The following RBPJL variants were observed in gnomAD, a reference collection of about 807,000 sequenced individuals.
RBPJL encodes recombination signal binding protein for immunoglobulin kappa J region like, also known as recombining binding protein suppressor of hairless-like protein.
Under a neutral mutation model 57.6 loss-of-function variants are expected in RBPJL, and 50 were observed. The ratio of observed to expected loss-of-function variants is 0.87; its 90% confidence interval spans 0.69 to 1.10. The LOEUF is 1.10. Among genes scored for constraint, RBPJL ranks in the 50% least tolerant of loss-of-function variants. The pLI, the probability that RBPJL is intolerant of heterozygous loss-of-function variation, is 0.00. For synonymous variants in RBPJL, 303 were observed against 294.4 expected, an observed-to-expected ratio of 1.03 and a Z score of -0.30; for missense variants, 684 against 693.7, an observed-to-expected ratio of 0.99 and a Z score of 0.16.
At chr20:45,309,539 C>G in intron 2 of RBPJL, 28 bp from the exon 3 acceptor site, 2 of 1,590,616 alleles carry the variant, frequency 1.3e-6, no homozygotes, top group Non-Finnish European at 1.7e-6. Flanking sequence ...CCTCCTGTGG[C>G]TGGTCGACCT....
Position 45,311,881 on chromosome 20 carries a change from TG to T in RBPJL, c.374del (p.Gly125AspfsTer15). On this transcript the variant is annotated frameshift_variant, in exon 5 of 12. Coordinates refer to ENST00000343694, the MANE Select transcript of RBPJL (RefSeq NM_014276.4). LOFTEE classifies it high-confidence loss of function. ...GETGPTVCGY[M>X]GLDSASGSAT... ...ACGGGGCCCACGGTCTGCGGTTACA[TG>T]GGACTGGACAGCGCGTCCGGCAGCG... 1 of 1,551,722 alleles carries T rather than the reference TG, an allele frequency of 6.4e-7. No individual in the cohort carries two copies. The highest frequency in any genetic ancestry group is 8.7e-7 in the Non-Finnish European group (1 of 1,147,068).
rs1451730227 is a variant in RBPJL, at chr20:45,313,461, C to T, written c.620-7C>T. ...CCTCACCCTAACCCTGACCCTCACC[C>T]TCACAGTGTGCATATCCTCCGGCTC... is the stretch of plus-strand genomic sequence containing the variant. On this transcript the variant is annotated splice_polypyrimidine_tract_variant and splice_region_variant and intron_variant, in intron 6 of 11. Coordinates refer to ENST00000343694, the MANE Select transcript of RBPJL (RefSeq NM_014276.4). The T allele has an allele frequency of 1.9e-6, 3 of 1,608,744 alleles. No individual in the cohort carries two copies. Among genetic ancestry groups the T allele is most frequent in the Admixed American group, 1.7e-5 (1 of 59,600 alleles).
intron 10 of RBPJL, 41 bp from the exon 11 acceptor site, chr20:45,316,436 T>C: frequency 6.4e-7 from 1 of 1,561,440 alleles, no homozygotes; most frequent in Non-Finnish European, 8.7e-7. Context: ...GTTCCCGCCC[T>C]ACTTGGTTCT....
intron 7 of RBPJL, 32 bp downstream of exon 7, chr20:45,313,637 A>C: frequency 6.4e-7 from 1 of 1,560,918 alleles, no homozygotes; most frequent in Non-Finnish European, 8.7e-7. Context: ...GGAGCTGGGC[A>C]CTTCACATGC....
chr20:45,316,744 C>T lies in RBPJL; in HGVS notation c.1339C>T (p.Arg447Cys), dbSNP rs1393715236. Residue 447 changes from arginine (R) to cysteine (C), a missense_variant, in exon 12 of 12, where the codon CGC (arginine) becomes TGC (cysteine). Transcript: ENST00000343694. ...PDVAAFCSDW[R>C]WLRAPITIPM... The stretch of plus-strand genomic sequence containing the variant: ...CGTGGCGGCCTTCTGCAGCGACTGG[C>T]GCTGGCTGCGCGCTCCCATCACAAT... The T allele has an allele frequency of 1.2e-6, 2 of 1,613,244 alleles. No individual in the cohort carries two copies. Among genetic ancestry groups the T allele is most frequent in the East Asian group, 4.5e-5 (2 of 44,852 alleles).
chr20:45,316,683 C>T lies in RBPJL; in HGVS notation c.1281-3C>T. 6.3e-7 allele frequency: 1 copy of T among 1,591,948 alleles called. No individual in the cohort carries two copies. The highest frequency in any genetic ancestry group is 1.1e-5 in the South Asian group (1 of 88,970). ...AGCCCTCACCCTGGTGCTCCACCCC[C>T]AGGAGCCCGCGGTCCCTGGTGTGCG... is the stretch of plus-strand genomic sequence containing the variant. On this transcript the variant is annotated splice_region_variant and splice_polypyrimidine_tract_variant and intron_variant, in intron 11 of 11. Coordinates refer to ENST00000343694, the MANE Select transcript of RBPJL (RefSeq NM_014276.4).
chr20:45,312,282 T>C lies in RBPJL; in HGVS notation c.506T>C (p.Leu169Pro). The C allele has an allele frequency of 1.2e-6, 2 of 1,614,144 alleles. No homozygotes were observed. The highest frequency in any genetic ancestry group is 1.7e-6 in the Non-Finnish European group (2 of 1,179,974). Residue 169 changes from leucine to proline, a missense_variant, in exon 6 of 12, where the codon CTG becomes CCG. Transcript: ENST00000343694. ...SDADKRKHFRLVLRLVLRGGR... is the reference protein window; with the variant it reads ...SDADKRKHFRPVLRLVLRGGR... ...GCAGACAAGAGGAAGCACTTTCGGC[T>C]GGTGCTGCGGCTGGTGCTGCGCGGG...
chr20:45,317,804 A>C lies in RBPJL; in HGVS notation c.*845A>C, dbSNP rs1239328867. ...TGAGGATCAGGGATTCTACAGCTGCATTAAAATCAATCCTATCCAAGGCAG... is the reference window on the plus strand; with the variant it reads ...TGAGGATCAGGGATTCTACAGCTGCCTTAAAATCAATCCTATCCAAGGCAG... On this transcript the variant is annotated 3_prime_UTR_variant, in exon 12 of 12. Coordinates refer to ENST00000343694, the MANE Select transcript of RBPJL (RefSeq NM_014276.4). The C allele has an allele frequency of 6.6e-6, 1 of 152,360 alleles. No individual in the cohort carries two copies. Among genetic ancestry groups the C allele is most frequent in the African/African-American group, 2.4e-5 (1 of 41,462 alleles). 9.4% of individuals were successfully genotyped at this position (152,360 alleles called of 1,614,324 possible). A position where few individuals can be genotyped will look rare whatever the true frequency, so the allele number is the denominator to read the frequency against.
At chr20:45,306,979 C>A in intron 1 of RBPJL, 35 bp downstream of exon 1, 2 of 1,235,474 alleles carry the variant, frequency 1.6e-6, no homozygotes, top group Middle Eastern at 2.6e-4. Flanking sequence ...CCGGAGACGC[C>A]CCGTGAGAAC....
In RBPJL at chr20:45,314,117, G is replaced by A. The variant is rs951578010; in HGVS notation, c.840G>A (p.Thr280=). The A allele has an allele frequency of 7.9e-5, 128 of 1,613,898 alleles. No individual in the cohort carries two copies. Among genetic ancestry groups the A allele is most frequent in the Non-Finnish European group, 1.1e-4 (124 of 1,179,892 alleles). Residue 280 remains threonine, a synonymous_variant, in exon 8 of 12, where the codon ACG becomes ACA. Transcript: ENST00000343694. ...GCTCCCTGGTGCAGCTCGTCTGCAC[G>A]GTCACCGGCATCACACTACCTCCCA... The part of the protein sequence containing the change: ...RYGSLVQLVC[T]VTGITLPPMI...
rs543590887 is a variant in RBPJL at position 45,311,803 on chromosome 20, C to A, written c.329-36C>A. ...AGCTTGCCTGGCACCTGCGTCCTCC[C>A]GAGTCCTTGCAGAGCCAGTTCGCGT... On this transcript the variant is annotated intron_variant, in intron 4 of 11. Coordinates refer to ENST00000343694, the MANE Select transcript of RBPJL (RefSeq NM_014276.4). 12 of 1,535,288 alleles carry A rather than the reference C, an allele frequency of 7.8e-6. No individual in the cohort carries two copies. The Admixed American group carries it at 1.6e-4, about 20-fold the overall frequency.
chr20:45,313,466 AGT>A lies in RBPJL; in HGVS notation c.622_623del (p.Cys208HisfsTer46). 6.2e-7 allele frequency: 1 copy of A among 1,608,964 alleles called. No homozygotes were observed. Among genetic ancestry groups the A allele is most frequent in the Middle Eastern group, 1.7e-4 (1 of 5,962 alleles). ...CCCTAACCCTGACCCTCACCCTCAC[AGT>A]GTGCATATCCTCCGGCTCAAAGGTC... On this transcript the variant is annotated splice_acceptor_variant and coding_sequence_variant, in exon 7 of 12. Coordinates refer to ENST00000343694, the MANE Select transcript of RBPJL (RefSeq NM_014276.4). LOFTEE classifies it high-confidence loss of function.
chr20:45,317,275 C>A lies in RBPJL; in HGVS notation c.*316C>A, dbSNP rs968955397. On this transcript the variant is annotated 3_prime_UTR_variant, in exon 12 of 12. Coordinates refer to ENST00000343694, the MANE Select transcript of RBPJL (RefSeq NM_014276.4). ...TCCCCCTCAGTACTTAGTCTACAGA[C>A]CTATGTGCGTGTCCCTATCCTTCTG... 30 of 426,016 alleles carry A rather than the reference C, an allele frequency of 7.0e-5. No individual in the cohort carries two copies. Among genetic ancestry groups the A allele is most frequent in the Non-Finnish European group, 1.1e-4 (27 of 239,566 alleles). 26.4% of individuals were successfully genotyped at this position (426,016 alleles called of 1,614,324 possible). A position where few individuals can be genotyped will look rare whatever the true frequency, so the allele number is the denominator to read the frequency against.
In RBPJL at chr20:45,316,890, C is replaced by T; in HGVS notation, c.1485C>T (p.Ala495=). 1 of 1,613,740 alleles carries T rather than the reference C, an allele frequency of 6.2e-7. No homozygotes were observed. The part of the protein sequence containing the change: ...HPGVPEPATD[A]DALLESIHQE... Reference sequence around the variant, plus strand: ...GCGTCCCCGAGCCCGCCACCGACGCCGACGCGCTCCTGGAGAGCATCCATC... The same window carrying T: ...GCGTCCCCGAGCCCGCCACCGACGCTGACGCGCTCCTGGAGAGCATCCATC... Residue 495 remains alanine, a synonymous_variant, in exon 12 of 12, where the codon GCC becomes GCT. Coordinates refer to ENST00000343694, the MANE Select transcript of RBPJL (RefSeq NM_014276.4).
Position 45,313,502 on chromosome 20 carries a change from C to T in RBPJL, c.654C>T (p.Phe218=), listed in dbSNP as rs1396777901. ...CCTCCGGCTCAAAGGTCTCCCTCTT[C>T]AACCGCCTGCGCTCTCAGACGGTCT... ...CISSGSKVSL[F]NRLRSQTVST... Residue 218 remains phenylalanine, a synonymous_variant, in exon 7 of 12, where the codon TTC becomes TTT. Coordinates refer to ENST00000343694, the MANE Select transcript of RBPJL (RefSeq NM_014276.4). The T allele has an allele frequency of 6.2e-7, 1 of 1,613,762 alleles. No individual in the cohort carries two copies. Among genetic ancestry groups the T allele is most frequent in the Non-Finnish European group, 8.5e-7 (1 of 1,179,914 alleles).
chr20:45,311,728 G>A (rs1032084723), intron 4 of RBPJL, 69 bp downstream of exon 4: 1 of 1,581,874 alleles, frequency 6.3e-7, no homozygotes, highest in South Asian at 1.1e-5. Flanking sequence ...GGCCCGAGAC[G>A]GGGCGGTTCG....
chr20:45,311,942 G>A lies in RBPJL; in HGVS notation c.432G>A (p.Gln144=), dbSNP rs960126660. Residue 144 remains glutamine, a synonymous_variant, in exon 5 of 12, where the codon CAG becomes CAA. Coordinates refer to ENST00000343694, the MANE Select transcript of RBPJL (RefSeq NM_014276.4). ...CGCAGAAGCTGAATTTCGAGCAGCA[G>A]CCGGACTCCAGGGTGAGAGCGCACG... ...TETQKLNFEQ[Q]PDSREFGCAK... 1.9e-6 allele frequency: 3 copies of A among 1,551,176 alleles called. No homozygotes were observed. Among genetic ancestry groups the A allele is most frequent in the Non-Finnish European group, 8.7e-7 (1 of 1,146,828 alleles).
chr20:45,316,446 TCTCAC>T, intron 10 of RBPJL, 26 bp from the exon 11 acceptor site: 1 of 1,557,116 alleles, frequency 6.4e-7, no homozygotes, highest in Non-Finnish European at 8.7e-7. Context: ...TACTTGGTTC[TCTCAC>T]CTCACCTGGT....
rs1987217593 is a variant in RBPJL at position 45,312,274 on chromosome 20, C to CGAAA, written c.498_499insGAAA (p.Phe167GlufsTer89). 3 of 1,614,232 alleles carry CGAAA rather than the reference C, an allele frequency of 1.9e-6. No individual in the cohort carries two copies. The East Asian group carries it at 6.7e-5, about 36-fold the overall frequency. ...TCTCAGATGCAGACAAGAGGAAGCACTTTCGGCTGGTGCTGCGGCTGGTGC... is the reference window on the plus strand; with the variant it reads ...TCTCAGATGCAGACAAGAGGAAGCACGAAATTTCGGCTGGTGCTGCGGCTGGTGC... On this transcript the variant is annotated frameshift_variant, in exon 6 of 12. Coordinates refer to ENST00000343694, the MANE Select transcript of RBPJL (RefSeq NM_014276.4). LOFTEE classifies it high-confidence loss of function.
Sources: allele counts gnomAD v4.1 joint callset, GRCh38; gene constraint gnomAD v4.1.1; transcripts MANE v1.5; gene names NCBI Gene and HGNC (gene_info 2026-07-23, HGNC 2026-07-21).